The following BMPR1B variants were observed in gnomAD, a reference collection of about 807,000 sequenced individuals.
BMPR1B encodes bone morphogenetic protein receptor type 1B.
BMPR1B carries 12 observed loss-of-function variants against 59.1 expected under a neutral mutation model. That is an observed-to-expected ratio of 0.20 (90% confidence interval 0.13 to 0.33). The LOEUF (loss-of-function observed/expected upper bound fraction) is 0.33, where lower values mean the gene tolerates loss of function less well. Among genes scored for constraint, BMPR1B ranks in the 10% least tolerant of loss-of-function variants. BMPR1B has a pLI of 1.00. For synonymous variants in BMPR1B, 237 were observed against 207.3 expected (o/e 1.14, Z -1.23); for missense variants, 550 against 610.9 (o/e 0.90, Z 1.05).
chr4:94,918,116 G>A (rs887588317), intron 2 of BMPR1B, among the ~76,000 whole-genome samples: 4 of 152,050 alleles, frequency 2.6e-5, no homozygotes, highest in Admixed American at 6.5e-5. Flanking sequence ...AGAACTATGA[G>A]CCAGTTAAAT....
chr4:94,930,968 A>G (rs2149033811), intron 2 of BMPR1B, among the ~76,000 whole-genome samples: 1 of 152,236 alleles, frequency 6.6e-6, no homozygotes, highest in South Asian at 2.1e-4. Flanking sequence ...AGAAAAAAAA[A>G]TAAGGCAGGA....
At chr4:94,779,025 A>T (rs1225626704) in intron 1 of BMPR1B, among the ~76,000 whole-genome samples, 2 of 151,936 alleles carry the variant, frequency 1.3e-5, no homozygotes, top group African/African-American at 4.8e-5. Context: ...CTCAATTTTA[A>T]TGTAGTCAAA....
At chr4:95,056,641 T>G (rs1211545423) in intron 3 of BMPR1B, among the ~76,000 whole-genome samples, 1 of 152,196 alleles carries the variant, frequency 6.6e-6, no homozygotes, top group East Asian at 1.9e-4. Flanking sequence ...TCTTTTTGTT[T>G]AAAATTCTTT....
At chr4:95,128,400 A>G (rs896090820) in intron 8 of BMPR1B, among the ~76,000 whole-genome samples, 4 of 152,244 alleles carry the variant, frequency 2.6e-5, no homozygotes, top group South Asian at 2.1e-4. Context: ...GTTATACGCT[A>G]GATTCCTTAT....
intron 3 of BMPR1B, among the ~76,000 whole-genome samples, chr4:95,030,324 T>G (rs1314025547): frequency 3.3e-5 from 5 of 152,178 alleles, no homozygotes; most frequent in Admixed American, 2.0e-4. Context: ...CAGTTTCAGC[T>G]TTCTCCATAT....
chr4:95,149,721 A>G (rs983771700), intron 11 of BMPR1B, among the ~76,000 whole-genome samples: 1 of 152,174 alleles, frequency 6.6e-6, no homozygotes, highest in Non-Finnish European at 1.5e-5. Flanking sequence ...ATAATGGCCA[A>G]TTTAAGTCTA....
intron 4 of BMPR1B, among the ~76,000 whole-genome samples, chr4:95,112,385 G>T (rs966339280): frequency 6.6e-6 from 1 of 152,072 alleles, no homozygotes; most frequent in African/African-American, 2.4e-5. Context: ...GTCTCTTAGA[G>T]GTGGGCAAAA....
chr4:95,033,351 A>G (rs1477904116), intron 3 of BMPR1B, among the ~76,000 whole-genome samples: 1 of 151,914 alleles, frequency 6.6e-6, no homozygotes, highest in Non-Finnish European at 1.5e-5. Flanking sequence ...GTTATATCCA[A>G]GAAATCACTG....
intron 2 of BMPR1B, among the ~76,000 whole-genome samples, chr4:94,981,003 A>ACGCGCGCGTACGCGCACG (rs141994255): frequency 6.6e-5 from 6 of 90,844 alleles, no homozygotes; most frequent in Middle Eastern, 4.6e-3. Flanking sequence ...ACACACACAC[A>ACGCGCGCGTACGCGCACG]CACACACACA....
At chr4:94,933,299 T>C (rs1489739481) in intron 2 of BMPR1B, among the ~76,000 whole-genome samples, 2 of 152,114 alleles carry the variant, frequency 1.3e-5, no homozygotes, top group Non-Finnish European at 2.9e-5. Context: ...TTTATTTAAC[T>C]TTTTCCTTAT....
At chr4:94,864,762 G>C (rs930150949) in intron 1 of BMPR1B, among the ~76,000 whole-genome samples, 1 of 152,032 alleles carries the variant, frequency 6.6e-6, no homozygotes, top group African/African-American at 2.4e-5. Context: ...ATTGCTTAGG[G>C]AATAATGACA....
chr4:94,972,591 A>G (rs1730852253), intron 2 of BMPR1B, among the ~76,000 whole-genome samples: 3 of 152,006 alleles, frequency 2.0e-5, no homozygotes, highest in Admixed American at 1.3e-4. Context: ...AAACATTTGC[A>G]TAATATTTCA....
At chr4:95,143,633 A>G (rs1734416986) in intron 10 of BMPR1B, among the ~76,000 whole-genome samples, 1 of 152,176 alleles carries the variant, frequency 6.6e-6, no homozygotes, top group Non-Finnish European at 1.5e-5. Context: ...CATTTTCTAT[A>G]TCATACCACT....
chr4:95,019,126 G>A (rs1723793742), intron 3 of BMPR1B, among the ~76,000 whole-genome samples: 1 of 152,094 alleles, frequency 6.6e-6, no homozygotes, highest in South Asian at 2.1e-4. Flanking sequence ...CACTGTAGTT[G>A]TAGTAATTCA....
chr4:94,861,258 A>C (rs971447726), intron 1 of BMPR1B, among the ~76,000 whole-genome samples: 1 of 152,194 alleles, frequency 6.6e-6, no homozygotes, highest in African/African-American at 2.4e-5. Context: ...TGGGGTGATA[A>C]TATCACTTGC....
intron 3 of BMPR1B, among the ~76,000 whole-genome samples, chr4:95,011,420 A>G (rs1723220582): frequency 6.6e-6 from 1 of 152,068 alleles, no homozygotes; most frequent in East Asian, 1.9e-4. Flanking sequence ...GGGACCTAGT[A>G]TCTCTCTCTT....
chr4:95,026,098 A>ATTTCTTTCTTTCC (rs1455953912), intron 3 of BMPR1B, among the ~76,000 whole-genome samples: 5 of 101,716 alleles, frequency 4.9e-5, no homozygotes, highest in South Asian at 3.8e-4. Context: ...GCTTTCTTTC[A>ATTTCTTTCTTTCC]TTTCTTTCTT....
At chr4:95,006,285 C>T (rs1722823919) in intron 3 of BMPR1B, among the ~76,000 whole-genome samples, 1 of 150,710 alleles carries the variant, frequency 6.6e-6, no homozygotes, top group Non-Finnish European at 1.5e-5. Flanking sequence ...TGGCTCACAC[C>T]TGTAATCCTA....
intron 1 of BMPR1B, among the ~76,000 whole-genome samples, chr4:94,863,601 C>T (rs1206176919): frequency 2.0e-5 from 3 of 152,152 alleles, no homozygotes; most frequent in African/African-American, 4.8e-5. Flanking sequence ...GTATTTTCCT[C>T]TAATGTTTCA....
Sources: allele counts gnomAD v4.1 joint callset (sites outside exome capture counted in the v4.1 genomes callset), GRCh38; gene constraint gnomAD v4.1.1; transcripts MANE v1.5; gene names NCBI Gene and HGNC (gene_info 2026-07-23, HGNC 2026-07-21).